SLC14A2: variants seen among roughly 807,000 people sequenced by gnomAD.
SLC14A2 encodes the protein solute carrier family 14 member 2, also known as urea transporter 2.
In SLC14A2, 91 loss-of-function variants were observed where a neutral mutation model predicts 104.6. That is an observed-to-expected ratio of 0.87 (90% CI 0.73 to 1.04). The LOEUF is 1.04. Among genes scored for constraint, SLC14A2 ranks in the 50% least tolerant of loss-of-function variants. The pLI is 0.00. For synonymous variants in SLC14A2, 476 were observed against 466.4 expected, an observed-to-expected ratio of 1.02 and a Z score of -0.27; for missense variants, 1,189 against 1,156.0, an observed-to-expected ratio of 1.03 and a Z score of -0.41.
chr18:45,532,308 C>A (rs1443123501), intron 2 of SLC14A2, among the ~76,000 whole-genome samples: 1 of 152,144 alleles, frequency 6.6e-6, no homozygotes, highest in African/African-American at 2.4e-5. Flanking sequence ...GCCATTTTCA[C>A]AATATTGACT....
intron 2 of SLC14A2, 70 bp downstream of exon 2, chr18:45,624,884 GC>G: frequency 6.8e-7 from 1 of 1,465,834 alleles, no homozygotes; most frequent in Non-Finnish European, 9.3e-7. Flanking sequence ...AAAAGATGCC[GC>G]TTTCCCACCT....
At chr18:45,461,309 T>C (rs1047319212) in intron 1 of SLC14A2, among the ~76,000 whole-genome samples, 2 of 152,126 alleles carry the variant, frequency 1.3e-5, no homozygotes, top group African/African-American at 4.8e-5. Context: ...CTCCTTTGCA[T>C]TAGGGAACAC....
At chr18:45,546,341 G>A (rs1211220083) in intron 2 of SLC14A2, among the ~76,000 whole-genome samples, 1 of 152,220 alleles carries the variant, frequency 6.6e-6, no homozygotes, top group African/African-American at 2.4e-5. Flanking sequence ...AATTGATTCA[G>A]CTTCATCTGA....
At chr18:45,243,864 C>T (rs117833705) in intron 1 of SLC14A2, among the ~76,000 whole-genome samples, 65 of 152,262 alleles carry the variant, frequency 4.3e-4, no homozygotes, top group East Asian at 1.9e-3. Flanking sequence ...AGAAGCCTTC[C>T]GGTTTGGTTT....
chr18:45,542,035 G>GGTTTT, intron 2 of SLC14A2, among the ~76,000 whole-genome samples: 1 of 54,236 alleles, frequency 1.8e-5, no homozygotes, highest in Non-Finnish European at 3.7e-5. Context: ...AAGAGAGAGG[G>GGTTTT]TTTTTTTTTT....
chr18:45,440,902 A>G lies in SLC14A2; in HGVS notation c.-124-42331A>G, dbSNP rs548820506. Among the ~76,000 whole-genome samples the G allele has an allele frequency of 4.6e-5, 7 of 152,330 alleles. No individual in the cohort carries two copies. In the South Asian group the frequency reaches 6.2e-4, roughly 14 times the overall value. On this transcript the variant is annotated intron_variant, in intron 1 of 20. Coordinates refer to the SLC14A2 transcript ENST00000586448. ...TCAGTCCAGCATTGCTCTAGGACTC[A>G]AATGCCGGGAGAATAAAAAGACAAT...
intron 1 of SLC14A2, among the ~76,000 whole-genome samples, chr18:45,271,924 C>A (rs1386573432): frequency 6.6e-6 from 1 of 152,114 alleles, no homozygotes; most frequent in East Asian, 1.9e-4. Context: ...GTATCCAGAA[C>A]AGCATGGTAC....
At chr18:45,475,619 G>GATATATAT (rs200761666) in intron 1 of SLC14A2, among the ~76,000 whole-genome samples, 5 of 68,272 alleles carry the variant, frequency 7.3e-5, no homozygotes, top group Non-Finnish European at 1.4e-4. Flanking sequence ...ATATATTTAG[G>GATATATAT]ATATATATAT....
In SLC14A2 at chr18:45,317,111, T is replaced by C. The variant is rs188741817; in HGVS notation, c.-125+103920T>C. 3.3e-3 allele frequency among the ~76,000 whole-genome samples: 501 copies of C among 152,346 alleles called. 4 individuals carry two copies. Among genetic ancestry groups the C allele is most frequent in the African/African-American group, 0.012 (481 of 41,584 alleles). The stretch of plus-strand genomic sequence containing the variant: ...TTCTAATACCTCCTCTAGCCCTGTG[T>C]GCATTGTGGTGTTGATATTAAAACC... On this transcript the variant is annotated intron_variant, in intron 1 of 20. Transcript: ENST00000586448.
At chr18:45,418,811 G>A (rs1485198567) in intron 1 of SLC14A2, among the ~76,000 whole-genome samples, 1 of 152,112 alleles carries the variant, frequency 6.6e-6, no homozygotes, top group South Asian at 2.1e-4. Flanking sequence ...TCTAATCCCT[G>A]TTCAACTAGC....
At chr18:45,327,700 G>A (rs180945391) in intron 1 of SLC14A2, among the ~76,000 whole-genome samples, 3 of 152,318 alleles carry the variant, frequency 2.0e-5, no homozygotes. Context: ...CTACGTTGTA[G>A]CATGTGTCAG....
At chr18:45,435,618 C>A (rs777555060) in intron 1 of SLC14A2, among the ~76,000 whole-genome samples, 6 of 152,146 alleles carry the variant, frequency 3.9e-5, no homozygotes, top group Non-Finnish European at 7.4e-5. Flanking sequence ...TCCCTTTAAC[C>A]TCCCAGCTGA....
At chr18:45,632,307 C>T (rs1454556083) in intron 4 of SLC14A2, 43 bp from the exon 5 acceptor site, 3 of 1,596,600 alleles carry the variant, frequency 1.9e-6, no homozygotes, top group Non-Finnish European at 2.6e-6. Context: ...GGCCCAGTAA[C>T]ACCACCAACT....
At chr18:45,416,171 G>A (rs1478096784) in intron 1 of SLC14A2, among the ~76,000 whole-genome samples, 3 of 151,528 alleles carry the variant, frequency 2.0e-5, no homozygotes, top group South Asian at 2.1e-4. Context: ...GAATTCATTT[G>A]CCTATTTTTT....
At chr18:45,352,184 G>C (rs934948618) in intron 1 of SLC14A2, among the ~76,000 whole-genome samples, 7 of 152,082 alleles carry the variant, frequency 4.6e-5, no homozygotes, top group African/African-American at 1.7e-4. Flanking sequence ...TCAGTCACCA[G>C]GAAATACTTC....
At chr18:45,172,113 C>T in the SLC14A2 span, among the ~76,000 whole-genome samples, 6 of 152,120 alleles carry the variant, frequency 3.9e-5, no homozygotes, top group Non-Finnish European at 8.8e-5. Context: ...GATTTGGCTT[C>T]GCTCAAATAA....
At chr18:45,547,521 T>C (rs984735184) in intron 2 of SLC14A2, among the ~76,000 whole-genome samples, 11 of 152,086 alleles carry the variant, frequency 7.2e-5, no homozygotes, top group African/African-American at 2.7e-4. Flanking sequence ...CACTGATGCA[T>C]GAGCTTCACT....
chr18:45,375,694 T>C (rs12967541), intron 1 of SLC14A2, among the ~76,000 whole-genome samples: 2,819 of 152,348 alleles, frequency 0.019, 46 homozygotes, highest in Middle Eastern at 0.027. Context: ...GGTGAACCCA[T>C]TGGACAGTTA....
chr18:45,268,271 T>G (rs944937171), intron 1 of SLC14A2, among the ~76,000 whole-genome samples: 1 of 152,166 alleles, frequency 6.6e-6, no homozygotes. Context: ...AGCCCTACAC[T>G]AGGATCTGGA....
Sources: allele counts gnomAD v4.1 joint callset (sites outside exome capture counted in the v4.1 genomes callset), GRCh38; gene constraint gnomAD v4.1.1; transcripts MANE v1.5; gene names NCBI Gene and HGNC (gene_info 2026-07-23, HGNC 2026-07-21).